The following GLB1L2 variants were observed in gnomAD, a reference collection of about 807,000 sequenced individuals.
GLB1L2 encodes the protein beta-galactosidase-1-like protein 2.
In GLB1L2, 68 loss-of-function variants were observed where a neutral mutation model predicts 84.1. That is an observed-to-expected ratio of 0.81 (90% CI 0.67 to 0.99). The LOEUF (loss-of-function observed/expected upper bound fraction) is 0.99. Among genes scored for constraint, GLB1L2 ranks in the 50% least tolerant of loss-of-function variants. The probability of loss-of-function intolerance (pLI) is 0.00; values close to 1 mark genes in which losing one functional copy is unlikely to be tolerated. For synonymous variants in GLB1L2, 290 were observed against 318.0 expected (o/e 0.91, Z 0.94); for missense variants, 762 against 805.6 (o/e 0.95, Z 0.66).
intron 7 of GLB1L2, among the ~76,000 whole-genome samples, chr11:134,362,719 G>A (rs1031578854): frequency 6.6e-6 from 1 of 152,196 alleles, no homozygotes; most frequent in Non-Finnish European, 1.5e-5. Context: ...GCCCACTCCC[G>A]CAGCAGCTCG....
chr11:134,371,227 A>G (rs1201823660), intron 13 of GLB1L2, 79 bp downstream of exon 13: 1 of 1,540,866 alleles, frequency 6.5e-7, no homozygotes, highest in East Asian at 2.3e-5. Context: ...TCCCCTCAGA[A>G]TCAGCTCTTA....
intron 1 of GLB1L2, among the ~76,000 whole-genome samples, chr11:134,340,962 A>G (rs1399764101): frequency 2.6e-5 from 4 of 152,228 alleles, no homozygotes; most frequent in Admixed American, 2.0e-4. Flanking sequence ...TCTGGCCTAC[A>G]GGCTGTGTTG....
chr11:134,334,231 C>A lies in GLB1L2; in HGVS notation c.86+2084C>A, dbSNP rs1194480155. ...ACGTGGAAACTGGCCACCAAGTTCACTCTTTGTGGAGCCGAGCTGTCAGGA... is the reference window on the plus strand; with the variant it reads ...ACGTGGAAACTGGCCACCAAGTTCAATCTTTGTGGAGCCGAGCTGTCAGGA... On this transcript the variant is annotated intron_variant, in intron 1 of 18. Coordinates refer to ENST00000535456, the MANE Select transcript of GLB1L2 (RefSeq NM_001370461.1). This position sits in a 1 kb window ranked among gnomAD's most constrained non-coding sequence, Gnocchi z 4.1. 6.6e-6 allele frequency among the ~76,000 whole-genome samples: 1 copy of A among 152,162 alleles called. No individual in the cohort carries two copies. The highest frequency in any genetic ancestry group is 2.4e-5 in the African/African-American group (1 of 41,434).
chr11:134,346,139 G>T (rs1943549593), intron 4 of GLB1L2, among the ~76,000 whole-genome samples: 1 of 152,116 alleles, frequency 6.6e-6, no homozygotes, highest in South Asian at 2.1e-4. Context: ...GGGAGCCCTG[G>T]GCTTCTTTTC....
chr11:134,370,874 G>A lies in GLB1L2; in HGVS notation c.1216-134G>A. Reference sequence around the variant, plus strand: ...GTCACCCTGGAGAGTTGTATGTTTAGTGCAATGAGAAGTCAAAGTAGAAAA... The same window carrying A: ...GTCACCCTGGAGAGTTGTATGTTTAATGCAATGAGAAGTCAAAGTAGAAAA... On this transcript the variant is annotated intron_variant, in intron 12 of 18. Coordinates refer to ENST00000535456, the MANE Select transcript of GLB1L2 (RefSeq NM_001370461.1). The surrounding 1 kb of genome is among the most constrained non-coding windows in gnomAD (Gnocchi z 4.7). 1 of 969,476 alleles carries A rather than the reference G, an allele frequency of 1.0e-6. No individual in the cohort carries two copies. The allele number at this position is 969,476 out of a possible 1,614,324, so 60.1% of individuals were successfully genotyped here. A position where few individuals can be genotyped will look rare whatever the true frequency, so the allele number is the denominator to read the frequency against.
At position 134,364,357 on chromosome 11, in the gene GLB1L2, C is replaced by G. The variant is rs771323713; in HGVS notation, c.763C>G (p.His255Asp). The change falls in exon 8 of 19, where the codon CAC becomes GAC. Residue 255 changes from histidine to aspartate, a missense_variant. By Grantham distance (81) the His-to-Asp change is moderately conservative. Around this residue, in one of 3 missense-constraint regions of GLB1L2, gnomAD observed 603 missense variants for 611.7 expected, o/e 0.99. Coordinates refer to ENST00000535456, the MANE Select transcript of GLB1L2 (RefSeq NM_001370461.1). ...VLATINLQST[H>D]ELQLLTTFLF... Reference sequence around the variant, plus strand: ...GGCCACCATCAACTTGCAGTCAACACACGAGCTGCAGCTACTGACCACCTT... The same window carrying G: ...GGCCACCATCAACTTGCAGTCAACAGACGAGCTGCAGCTACTGACCACCTT... The G allele has an allele frequency of 4.3e-6, 7 of 1,614,092 alleles. No individual in the cohort carries two copies. Among genetic ancestry groups the G allele is most frequent in the Non-Finnish European group, 5.9e-6 (7 of 1,179,942 alleles).
At position 134,350,101 on chromosome 11, in the gene GLB1L2, G is replaced by T. The variant is rs74959223; in HGVS notation, c.558+2668G>T. Among the ~76,000 whole-genome samples, 32 of 152,330 alleles carry T rather than the reference G, an allele frequency of 2.1e-4. No homozygotes were observed. The East Asian group carries it at 5.4e-3, about 26-fold the overall frequency. On this transcript the variant is annotated intron_variant, in intron 5 of 18. Transcript: ENST00000535456. ...CTGGGCTTGGGGGAGGGATGTGCAA[G>T]AACTCCCTTAGCCATGCCAGCTGGT...
At chr11:134,345,574 G>A (rs183283811) in intron 4 of GLB1L2, among the ~76,000 whole-genome samples, 71 of 152,284 alleles carry the variant, frequency 4.7e-4, no homozygotes, top group African/African-American at 1.4e-3. Context: ...GGGTTCAAGC[G>A]ATTCTCCTGC....
At chr11:134,342,687 G>GGGGC in intron 1 of GLB1L2, 67 bp from the exon 2 acceptor site, 2 of 1,484,038 alleles carry the variant, frequency 1.3e-6, no homozygotes, top group Non-Finnish European at 1.8e-6. Context: ...GACCTGCGAA[G>GGGGC]GGGCGAGGAA....
intron 8 of GLB1L2, 167 bp from the exon 9 acceptor site, chr11:134,367,090 G>A (rs897402834): frequency 7.6e-6 from 5 of 653,834 alleles, no homozygotes; most frequent in African/African-American, 5.4e-5. Context: ...GTGTGCAGGC[G>A]AATTTGGCCC....
rs142838472 is a variant in GLB1L2 at position 134,352,734 on chromosome 11, G to A, written c.559-3567G>A. ...ATGATCTCAGCTCACTACAACGTCC[G>A]CCTCCCAGGTTCAAGTGATTCTCAT... On this transcript the variant is annotated intron_variant, in intron 5 of 18. Transcript: ENST00000535456. 5.1e-3 allele frequency among the ~76,000 whole-genome samples: 768 copies of A among 149,944 alleles called. 12 individuals carry two copies. The highest frequency in any genetic ancestry group is 0.018 in the African/African-American group (719 of 40,678).
At chr11:134,347,733 C>T (rs1287792984) in intron 5 of GLB1L2, among the ~76,000 whole-genome samples, 1 of 152,174 alleles carries the variant, frequency 6.6e-6, no homozygotes, top group Non-Finnish European at 1.5e-5. Flanking sequence ...CACGCATCCA[C>T]TGGCATCTCC....
rs1181585298 is a variant in GLB1L2 at position 134,342,821 on chromosome 11, T to C, written c.154T>C (p.Trp52Arg). The change falls in exon 2 of 19, where the codon TGG becomes CGG. Residue 52 changes from tryptophan to arginine, a missense_variant. Physicochemically the swap from Trp to Arg is moderately radical, Grantham distance 101. This residue lies in a region of GLB1L2 where 100 missense variants were observed against 88.8 expected (regional missense o/e 1.13). Coordinates refer to ENST00000535456, the MANE Select transcript of GLB1L2 (RefSeq NM_001370461.1). ...ACAGCTGGGGCTGCAGGCCAAGGGC[T>C]GGAACTTCATGCTGGAGGATTCCAC... ...HRQLGLQAKG[W>R]NFMLEDSTFW... 6.2e-7 allele frequency: 1 copy of C among 1,614,050 alleles called. No individual in the cohort carries two copies. The highest frequency in any genetic ancestry group is 1.7e-5 in the Admixed American group (1 of 60,028).
In GLB1L2 at chr11:134,345,775, A is replaced by G. The variant is rs574917392; in HGVS notation, c.449+646A>G. 2.0e-5 allele frequency among the ~76,000 whole-genome samples: 3 copies of G among 152,264 alleles called. No individual in the cohort carries two copies. The East Asian group carries it at 5.8e-4, about 29-fold the overall frequency. On this transcript the variant is annotated intron_variant, in intron 4 of 18. Coordinates refer to ENST00000535456, the MANE Select transcript of GLB1L2 (RefSeq NM_001370461.1). ...TGAGCCACCGCGCCCGGCCTTCCCT[A>G]TCTCTTTCTTAGGAATGTTACCAAG...
intron 1 of GLB1L2, among the ~76,000 whole-genome samples, chr11:134,336,086 A>G (rs1943382779): frequency 6.6e-6 from 1 of 152,176 alleles, no homozygotes; most frequent in African/African-American, 2.4e-5. Flanking sequence ...GTGTTTTTAG[A>G]GGCTCCTGCT....
Position 134,334,572 on chromosome 11 carries a change from G to A in GLB1L2, c.86+2425G>A, listed in dbSNP as rs1018112856. 6.6e-6 allele frequency among the ~76,000 whole-genome samples: 1 copy of A among 151,976 alleles called. No homozygotes were observed. The highest frequency in any genetic ancestry group is 2.1e-4 in the South Asian group (1 of 4,802). The stretch of plus-strand genomic sequence containing the variant: ...TTGACACATATCTAAATCCAGCTGT[G>A]AATCTATCACCACAGTTAAGATTGT... On this transcript the variant is annotated intron_variant, in intron 1 of 18. Transcript: ENST00000535456. The surrounding 1 kb of genome is among the most constrained non-coding windows in gnomAD (Gnocchi z 4.1).
intron 9 of GLB1L2, among the ~76,000 whole-genome samples, chr11:134,367,652 G>A (rs1162393460): frequency 6.6e-6 from 1 of 152,190 alleles, no homozygotes; most frequent in Non-Finnish European, 1.5e-5. Context: ...ACACTTAGCT[G>A]TTTACCACGC....
chr11:134,344,285 T>C, intron 2 of GLB1L2, 102 bp from the exon 3 acceptor site: 3 of 1,364,468 alleles, frequency 2.2e-6, no homozygotes, highest in South Asian at 2.3e-5. Flanking sequence ...AAGAAACATA[T>C]CTTTAGCCAT....
At chr11:134,367,164 A>T (rs1269069992) in intron 8 of GLB1L2, 93 bp from the exon 9 acceptor site, 10 of 1,054,852 alleles carry the variant, frequency 9.5e-6, no homozygotes, top group Non-Finnish European at 1.0e-5. Context: ...AAGAGTAGAG[A>T]GGGCAGAGAT....
Sources: allele counts gnomAD v4.1 joint callset (sites outside exome capture counted in the v4.1 genomes callset), GRCh38; gene constraint gnomAD v4.1.1; regional missense constraint gnomAD v4.1.1; non-coding constraint Gnocchi (gnomAD v3.1); transcripts MANE v1.5; gene names NCBI Gene and HGNC (gene_info 2026-07-23, HGNC 2026-07-21).